Variants in RASA3 observed in about 807,000 individuals in gnomAD.
RASA3 encodes the protein RAS p21 protein activator 3.
A neutral mutation model predicts 110.0 loss-of-function variants in RASA3; 73 were observed. The ratio of observed to expected loss-of-function variants is 0.66; its 90% confidence interval spans 0.55 to 0.81. The LOEUF (loss-of-function observed/expected upper bound fraction) is 0.81, where lower values mean the gene tolerates loss of function less well. Among genes scored for constraint, RASA3 ranks in the 30% least tolerant of loss-of-function variants. RASA3 has a pLI of 0.00. For missense variants in RASA3, 976 were observed against 1,113.2 expected (o/e 0.88, Z 1.75); for synonymous variants, 500 against 451.4 (o/e 1.11, Z -1.37).
chr13:114,121,296 G>A (rs905747309), intron 1 of RASA3, among the ~76,000 whole-genome samples: 2 of 152,186 alleles, frequency 1.3e-5, no homozygotes, highest in Non-Finnish European at 2.9e-5. Context: ...TGAGAGCCAC[G>A]GGGCTGTCTG....
rs534454168 is a variant in RASA3, at chr13:114,061,006, C to T, written c.174-8851G>A. On this transcript the variant is annotated intron_variant, in intron 2 of 23. Transcript: ENST00000334062. ...GCCGGCAGACGGAGCCCCCCACAGC[C>T]GGCAGACGGAGCCCCCACAGCCGGC... Among the ~76,000 whole-genome samples the T allele has an allele frequency of 5.3e-3, 806 of 152,154 alleles. 5 individuals are homozygous for T. Among genetic ancestry groups the T allele is most frequent in the Middle Eastern group, 0.01 (3 of 292 alleles).
chr13:114,019,145 G>C (rs192203216), intron 9 of RASA3, among the ~76,000 whole-genome samples: 2 of 152,268 alleles, frequency 1.3e-5, no homozygotes, highest in East Asian at 3.9e-4. Context: ...AGGAGTCAAG[G>C]GGGGAAACGC....
In RASA3 at chr13:114,057,389, G is replaced by A; in HGVS notation, c.174-5234C>T. ...GAGCAGAAGGCATTGCAGGGCAGTGGGGTCCGGAGAGGCGGCCGTGCTACA... is the reference window on the plus strand; with the variant it reads ...GAGCAGAAGGCATTGCAGGGCAGTGAGGTCCGGAGAGGCGGCCGTGCTACA... On this transcript the variant is annotated intron_variant, in intron 2 of 23. Coordinates refer to ENST00000334062, the MANE Select transcript of RASA3 (RefSeq NM_007368.4). The surrounding 1 kb of genome is among the most constrained non-coding windows in gnomAD (Gnocchi z 5.0). 1 of 985,416 alleles carries A rather than the reference G, an allele frequency of 1.0e-6. No homozygotes were observed. Among genetic ancestry groups the A allele is most frequent in the East Asian group, 1.1e-4 (1 of 8,802 alleles). 61.0% of individuals were successfully genotyped at this position (985,416 alleles called of 1,614,324 possible).
At chr13:114,003,850 C>T (rs1442103294) in intron 18 of RASA3, among the ~76,000 whole-genome samples, 3 of 152,168 alleles carry the variant, frequency 2.0e-5, no homozygotes, top group Non-Finnish European at 4.4e-5. Flanking sequence ...GGACAGGACA[C>T]GACAACAGGA....
rs2079619765 is a variant in RASA3, at chr13:114,073,777, G to A, written c.116C>T (p.Thr39Met). Residue 39 changes from threonine (T) to methionine (M), a missense_variant, in exon 2 of 24, where the codon ACG (threonine) becomes ATG (methionine). Coordinates refer to ENST00000334062, the MANE Select transcript of RASA3 (RefSeq NM_007368.4). The stretch of plus-strand genomic sequence containing the variant: ...AACCTCCTCCTGGTCCAGGTTCACC[G>A]TGCAGTAGCAATCCCTCATCTTGCT... ...GPSKMRDCYC[T>M]VNLDQEEVFR... is the part of the protein sequence containing the mutation. 3 of 1,614,232 alleles carry A rather than the reference G, an allele frequency of 1.9e-6. No homozygotes were observed. The highest frequency in any genetic ancestry group is 2.2e-5 in the East Asian group (1 of 44,884).
chr13:114,131,908 C>T (rs2080525795), intron 1 of RASA3, among the ~76,000 whole-genome samples: 2 of 152,162 alleles, frequency 1.3e-5, no homozygotes, highest in Admixed American at 1.3e-4. Flanking sequence ...CAGACGCGCG[C>T]GCACAGCAGC....
intron 4 of RASA3, among the ~76,000 whole-genome samples, chr13:114,030,317 C>T (rs759261936): frequency 4.0e-5 from 6 of 151,790 alleles, no homozygotes; most frequent in Admixed American, 6.6e-5. Flanking sequence ...CGGGCGAGGC[C>T]GGATGGAGGC....
At chr13:114,039,853 G>A (rs1044895012) in intron 4 of RASA3, among the ~76,000 whole-genome samples, 1 of 152,234 alleles carries the variant, frequency 6.6e-6, no homozygotes, top group Non-Finnish European at 1.5e-5. Context: ...GGACAGGACC[G>A]GGGTGAGCCC....
chr13:114,101,336 G>A (rs558223844), intron 1 of RASA3, among the ~76,000 whole-genome samples: 3 of 152,320 alleles, frequency 2.0e-5, no homozygotes, highest in East Asian at 3.9e-4. Context: ...AACCAGGACG[G>A]GTAGGCAGTG....
At chr13:114,013,553 CCTCTGTCT>C (rs2053694729) in intron 14 of RASA3, among the ~76,000 whole-genome samples, 1 of 133,572 alleles carries the variant, frequency 7.5e-6, no homozygotes, top group Admixed American at 7.4e-5. Context: ...TCTCTTTGTC[CCTCTGTCT>C]CTCTCCCTAT....
chr13:114,069,206 G>A (rs761498070), intron 2 of RASA3, among the ~76,000 whole-genome samples: 11 of 151,940 alleles, frequency 7.2e-5, no homozygotes, highest in Non-Finnish European at 1.5e-4. Flanking sequence ...TAAGTCAGAC[G>A]GCGATATTGG....
rs141154375 is a variant in RASA3, at chr13:113,990,261, G to A, written c.2245+2224C>T. 5.7e-3 allele frequency among the ~76,000 whole-genome samples: 874 copies of A among 152,218 alleles called. 1 individual carries two copies. Among genetic ancestry groups the A allele is most frequent in the African/African-American group, 0.017 (698 of 41,526 alleles). On this transcript the variant is annotated intron_variant, in intron 22 of 23. Transcript: ENST00000334062. ...AACTAATACACCAGGCTATGGGGAT[G>A]GTGAGGTTGGGAAGCGCCTGGAGGA...
In RASA3 at chr13:114,013,173, G is replaced by T. The variant is rs2053678859; in HGVS notation, c.1481C>A (p.Pro494His). The T allele has an allele frequency of 6.2e-7, 1 of 1,613,462 alleles. No individual in the cohort carries two copies. The highest frequency in any genetic ancestry group is 8.5e-7 in the Non-Finnish European group (1 of 1,179,798). The change falls in exon 15 of 24, where the codon CCC (proline) becomes CAC (histidine). Residue 494 changes from proline to histidine, a missense_variant. Transcript: ENST00000334062. ...LRFFAPAILS[P>H]NLFQLTPHHT... ...GTGCGGCGTGAGCTGGAAGAGGTTGGGGGAGAGAATGGCGGGCGCAAAGAA... is the reference window on the plus strand; with the variant it reads ...GTGCGGCGTGAGCTGGAAGAGGTTGTGGGAGAGAATGGCGGGCGCAAAGAA...
At chr13:113,998,879 G>A (rs540836943) in intron 20 of RASA3, among the ~76,000 whole-genome samples, 5 of 152,374 alleles carry the variant, frequency 3.3e-5, no homozygotes, top group African/African-American at 1.2e-4. Context: ...AACCACAGCC[G>A]GAAGAACGGG....
At chr13:114,038,595 A>G (rs1050792270) in intron 4 of RASA3, among the ~76,000 whole-genome samples, 1 of 152,214 alleles carries the variant, frequency 6.6e-6, no homozygotes, top group Non-Finnish European at 1.5e-5. Context: ...CTCATGGTCA[A>G]CTTCATGAAT....
At chr13:113,995,688 G>A (rs61967991) in intron 21 of RASA3, among the ~76,000 whole-genome samples, 3 of 98,984 alleles carry the variant, frequency 3.0e-5, no homozygotes, top group Admixed American at 9.4e-5. Context: ...ATGGGGGCCC[G>A]GCTGATGGGG....
At position 114,032,390 on chromosome 13, in the gene RASA3, G is replaced by A. The variant is rs560373344; in HGVS notation, c.373-2503C>T. ...ATATCCGACCCATGGGCCACACGTC[G>A]TGATGTCTGCCTTCTCAGGTCAAAC... On this transcript the variant is annotated intron_variant, in intron 4 of 23. Coordinates refer to ENST00000334062, the MANE Select transcript of RASA3 (RefSeq NM_007368.4). Among the ~76,000 whole-genome samples the A allele has an allele frequency of 3.0e-4, 46 of 152,252 alleles. 2 individuals carry two copies. Among genetic ancestry groups the A allele is most frequent in the African/African-American group, 1.1e-3 (44 of 41,532 alleles).
In RASA3 at chr13:114,024,287, G is replaced by A. The variant is rs1292188922; in HGVS notation, c.672C>T (p.Leu224=). Residue 224 remains leucine, a synonymous_variant, in exon 8 of 24, where the codon CTC becomes CTT. Coordinates refer to ENST00000334062, the MANE Select transcript of RASA3 (RefSeq NM_007368.4). ...FDFEEEDVDK[L]EIRVDLWNAS... ...GAGCCTGGTTTTCTCACCTGATTTC[G>A]AGCTTGTCCACGTCTTCCTCCTCAA... 40 of 1,613,928 alleles carry A rather than the reference G, an allele frequency of 2.5e-5. No homozygotes were observed. The highest frequency in any genetic ancestry group is 3.2e-5 in the Non-Finnish European group (38 of 1,179,904).
chr13:114,073,763 G>C lies in RASA3; in HGVS notation c.130C>G (p.Gln44Glu). 2 of 1,614,208 alleles carry C rather than the reference G, an allele frequency of 1.2e-6. No individual in the cohort carries two copies. The highest frequency in any genetic ancestry group is 1.7e-6 in the Non-Finnish European group (2 of 1,180,026). Residue 44 changes from glutamine (Q) to glutamate (E), a missense_variant, in exon 2 of 24, where the codon CAG (glutamine) becomes GAG (glutamate). Physicochemically the swap from Gln to Glu is conservative, Grantham distance 29. This residue lies in a region of RASA3 where 732 missense variants were observed against 779.7 expected (regional missense o/e 0.94). Transcript: ENST00000334062. ...ATTTTGGTCCTGAAAACCTCCTCCT[G>C]GTCCAGGTTCACCGTGCAGTAGCAA... ...RDCYCTVNLD[Q>E]EEVFRTKIVE...
Sources: gnomAD v4.1 joint callset for allele counts (sites outside exome capture counted in the v4.1 genomes callset) on GRCh38, gnomAD v4.1.1 for gene constraint, gnomAD v4.1.1 regional missense constraint, Gnocchi (gnomAD v3.1) non-coding constraint, MANE v1.5 for transcripts, NCBI Gene and HGNC (gene_info 2026-07-23, HGNC 2026-07-21) for gene names.